Variants in SNTG1 observed in about 807,000 individuals in gnomAD.
SNTG1 encodes syntrophin gamma 1.
In SNTG1, 39 loss-of-function variants were observed where a neutral mutation model predicts 74.7. That is an observed-to-expected ratio of 0.52 (90% CI 0.40 to 0.68). SNTG1 has a LOEUF of 0.68. SNTG1 is among the 30% of genes least tolerant of loss of function. The pLI is 0.00. For missense variants in SNTG1, 685 were observed against 609.5 expected (o/e 1.12, Z -1.30); for synonymous variants, 254 against 217.1 (o/e 1.17, Z -1.49).
At chr8:50,309,079 T>TA (rs886134208) in intron 2 of SNTG1, among the ~76,000 whole-genome samples, 46 of 150,506 alleles carry the variant, frequency 3.1e-4, no homozygotes, top group African/African-American at 9.3e-4. Context: ...TTAGAAGAAA[T>TA]AAAAAAAAAA....
At chr8:50,676,013 T>C (rs2095308226) in intron 15 of SNTG1, among the ~76,000 whole-genome samples, 1 of 152,082 alleles carries the variant, frequency 6.6e-6, no homozygotes, top group South Asian at 2.1e-4. Flanking sequence ...GTTAGTCTGA[T>C]GGGCTTCCTT....
intron 2 of SNTG1, among the ~76,000 whole-genome samples, chr8:50,300,592 A>C (rs565993206): frequency 2.3e-4 from 35 of 151,670 alleles, no homozygotes; most frequent in Non-Finnish European, 5.0e-4. Flanking sequence ...AAGTAAAGCA[A>C]ATAAATTTTT....
At chr8:50,177,588 C>CAGAGGCAAATGTTA (rs2083046706) in intron 2 of SNTG1, among the ~76,000 whole-genome samples, 1 of 152,188 alleles carries the variant, frequency 6.6e-6, no homozygotes, top group Non-Finnish European at 1.5e-5. Context: ...GCAAAAAGCA[C>CAGAGGCAAATGTTA]AGAGGCAAAT....
intron 8 of SNTG1, among the ~76,000 whole-genome samples, chr8:50,468,023 A>C (rs1457638423): frequency 6.9e-6 from 1 of 145,702 alleles, no homozygotes; most frequent in Admixed American, 6.9e-5. Flanking sequence ...TTTTTTTTTC[A>C]AAAAATAGTT....
chr8:50,707,478 C>T (rs867786263), intron 16 of SNTG1, among the ~76,000 whole-genome samples: 2 of 151,866 alleles, frequency 1.3e-5, no homozygotes, highest in African/African-American at 4.8e-5. Context: ...AAAAATGTAA[C>T]TCTAAAAGAA....
At chr8:50,284,473 T>C (rs1027713189) in intron 2 of SNTG1, among the ~76,000 whole-genome samples, 1 of 152,142 alleles carries the variant, frequency 6.6e-6, no homozygotes, top group African/African-American at 2.4e-5. Context: ...CTTTGGCCAT[T>C]GGTTGTCCTT....
intron 2 of SNTG1, among the ~76,000 whole-genome samples, chr8:50,230,915 A>G (rs1312668194): frequency 6.6e-6 from 1 of 151,244 alleles, no homozygotes; most frequent in Non-Finnish European, 1.5e-5. Context: ...ACATCACAGT[A>G]AAAAGCTTCT....
intron 13 of SNTG1, among the ~76,000 whole-genome samples, chr8:50,611,229 G>GA (rs2094847742): frequency 6.6e-6 from 1 of 152,164 alleles, no homozygotes; most frequent in Non-Finnish European, 1.5e-5. Context: ...TGCAGGGACA[G>GA]AGTTAGAAAA....
intron 1 of SNTG1, among the ~76,000 whole-genome samples, chr8:50,103,335 G>T (rs1196400307): frequency 6.6e-6 from 1 of 152,034 alleles, no homozygotes; most frequent in Non-Finnish European, 1.5e-5. Flanking sequence ...GTGAATAGGA[G>T]TTCACTCATG....
chr8:50,053,931 G>A (rs892488441), intron 1 of SNTG1, among the ~76,000 whole-genome samples: 1 of 151,902 alleles, frequency 6.6e-6, no homozygotes, highest in African/African-American at 2.4e-5. Flanking sequence ...GCTCCCATCA[G>A]GTGGAGAACA....
At chr8:50,342,779 A>G (rs2130946311) in intron 2 of SNTG1, among the ~76,000 whole-genome samples, 1 of 152,308 alleles carries the variant, frequency 6.6e-6, no homozygotes, top group East Asian at 1.9e-4. Context: ...ATTTATATAA[A>G]TTTATTTAAT....
intron 1 of SNTG1, among the ~76,000 whole-genome samples, chr8:50,136,712 C>T (rs2081486596): frequency 6.6e-6 from 1 of 151,958 alleles, no homozygotes; most frequent in African/African-American, 2.4e-5. Context: ...TATTTTATGC[C>T]TGAGCTGCAG....
chr8:50,310,709 T>C (rs1460322710), intron 2 of SNTG1, among the ~76,000 whole-genome samples: 5 of 151,966 alleles, frequency 3.3e-5, no homozygotes, highest in Admixed American at 1.3e-4. Context: ...AGTAAACAAA[T>C]AAATAAATAA....
chr8:50,655,610 CAT>C (rs1402006264), intron 13 of SNTG1, among the ~76,000 whole-genome samples: 1 of 152,102 alleles, frequency 6.6e-6, no homozygotes, highest in African/African-American at 2.4e-5. Flanking sequence ...CTTTATAGCT[CAT>C]AGGCTTATTG....
intron 2 of SNTG1, among the ~76,000 whole-genome samples, chr8:50,191,764 T>C (rs973360548): frequency 4.0e-5 from 6 of 151,864 alleles, no homozygotes; most frequent in Non-Finnish European, 7.4e-5. Context: ...TGTGTGCTGT[T>C]CCCCTCCCTG....
chr8:50,647,402 C>G (rs1481022475), intron 13 of SNTG1, among the ~76,000 whole-genome samples: 1 of 151,528 alleles, frequency 6.6e-6, no homozygotes, highest in East Asian at 1.9e-4. Flanking sequence ...GGCAAAATAC[C>G]TGAACAAGCA....
intron 1 of SNTG1, among the ~76,000 whole-genome samples, chr8:50,015,068 G>A (rs1369265546): frequency 6.7e-6 from 1 of 149,298 alleles, no homozygotes; most frequent in East Asian, 1.9e-4. Flanking sequence ...TTTGAATTTA[G>A]TAGGGGAACA....
intron 2 of SNTG1, among the ~76,000 whole-genome samples, chr8:50,288,930 G>T (rs1194502990): frequency 1.3e-5 from 2 of 151,990 alleles, no homozygotes; most frequent in African/African-American, 4.8e-5. Flanking sequence ...TGTGTCCTAA[G>T]GTTAAATGTG....
intron 2 of SNTG1, among the ~76,000 whole-genome samples, chr8:50,281,515 GA>G (rs2088455970): frequency 6.6e-6 from 1 of 152,126 alleles, no homozygotes; most frequent in African/African-American, 2.4e-5. Flanking sequence ...AGGGCTTCAG[GA>G]AAAAGACAGT....
Sources: allele counts gnomAD v4.1 joint callset (sites outside exome capture counted in the v4.1 genomes callset), GRCh38; gene constraint gnomAD v4.1.1; transcripts MANE v1.5; gene names NCBI Gene and HGNC (gene_info 2026-07-23, HGNC 2026-07-21).